KAT6A: variants seen among roughly 807,000 people sequenced by gnomAD.
The protein encoded by KAT6A is histone acetyltransferase KAT6A.
KAT6A carries 9 observed loss-of-function variants against 198.4 expected under a neutral mutation model. The ratio of observed to expected loss-of-function variants is 0.05; its 90% CI spans 0.03 to 0.08. The LOEUF is 0.08. KAT6A is among the 10% of genes least tolerant of loss of function. KAT6A has a pLI of 1.00. For missense variants in KAT6A, 2,077 were observed against 2,509.9 expected, an observed-to-expected ratio of 0.83 and a Z score of 3.69; for synonymous variants, 890 against 883.0, an observed-to-expected ratio of 1.01 and a Z score of -0.14.
chr8:41,976,019 T>C (rs1412759458), intron 7 of KAT6A, among the ~76,000 whole-genome samples: 2 of 152,190 alleles, frequency 1.3e-5, no homozygotes, highest in Non-Finnish European at 2.9e-5. Context: ...CTTGAATGCT[T>C]AAAGAGTAAT....
In KAT6A at chr8:41,946,658, A is replaced by G; in HGVS notation, c.1929T>C (p.Asn643=). The change falls in exon 12 of 17, where the codon AAT becomes AAC. Residue 643 remains asparagine (N), a synonymous_variant. Transcript: ENST00000265713. ...GAGGAAGAATCATTATACAGGAAAC[A>G]TTGTACTTCTGTTGGCAGTGCTTTT... is the stretch of plus-strand genomic sequence containing the variant. ...SKEKHCQQKY[N]VSCIMILPQY... 1 of 1,606,464 alleles carries G rather than the reference A, an allele frequency of 6.2e-7. No homozygotes were observed. The highest frequency in any genetic ancestry group is 1.1e-5 in the South Asian group (1 of 90,916).
chr8:41,950,851 C>T (rs1214623660), intron 9 of KAT6A, among the ~76,000 whole-genome samples: 1 of 151,452 alleles, frequency 6.6e-6, no homozygotes, highest in East Asian at 1.9e-4. Context: ...TCATGTTGTA[C>T]ATGATAAATA....
In KAT6A at chr8:41,941,295, T is replaced by C. The variant is rs1378871985; in HGVS notation, c.2586A>G (p.Pro862=). ...TCCTCCCCCAGCGGCCCCTCCGAGA[T>C]GGCTGGCTATTTGCAGGAAGACTAT... ...PHDSLPANSQ[P]SRRGRWGRKN... is the part of the protein sequence containing the mutation. The change falls in exon 15 of 17, where the codon CCA becomes CCG. Residue 862 remains proline, a synonymous_variant. Transcript: ENST00000265713. 1.2e-6 allele frequency: 2 copies of C among 1,613,870 alleles called. No homozygotes were observed. Among genetic ancestry groups the C allele is most frequent in the Non-Finnish European group, 8.5e-7 (1 of 1,179,970 alleles).
chr8:42,045,174 C>T (rs1230604155), intron 2 of KAT6A, among the ~76,000 whole-genome samples: 1 of 152,154 alleles, frequency 6.6e-6, no homozygotes, highest in Admixed American at 6.5e-5. Context: ...TGAATAGATA[C>T]TATCATGAAA....
At chr8:42,035,486 C>CT (rs1430578766) in intron 2 of KAT6A, among the ~76,000 whole-genome samples, 1 of 152,106 alleles carries the variant, frequency 6.6e-6, no homozygotes, top group Non-Finnish European at 1.5e-5. Context: ...AGATAACTCT[C>CT]TAGAAAACAG....
At chr8:42,017,907 T>G (rs138881873) in intron 2 of KAT6A, among the ~76,000 whole-genome samples, 1 of 152,154 alleles carries the variant, frequency 6.6e-6, no homozygotes, top group Non-Finnish European at 1.5e-5. Context: ...TCACCGCACT[T>G]AGAAGTACCT....
intron 2 of KAT6A, among the ~76,000 whole-genome samples, chr8:42,032,659 T>C (rs1343782061): frequency 6.6e-6 from 1 of 152,152 alleles, no homozygotes; most frequent in African/African-American, 2.4e-5. Context: ...AATTAATAGT[T>C]GGAGCTTACA....
intron 2 of KAT6A, among the ~76,000 whole-genome samples, chr8:41,988,467 T>C (rs1173539102): frequency 6.6e-6 from 1 of 152,230 alleles, no homozygotes; most frequent in African/African-American, 2.4e-5. Context: ...GACTTTATCC[T>C]ATAGGCAAGT....
chr8:41,934,751 T>C lies in KAT6A; in HGVS notation c.3469A>G (p.Ser1157Gly). Residue 1157 changes from serine to glycine, a missense_variant, in exon 17 of 17, where the codon AGC (serine) becomes GGC (glycine). Around this residue, in one of 13 missense-constraint regions of KAT6A, gnomAD observed 375 missense variants for 383.0 expected, o/e 0.98. Coordinates refer to ENST00000265713, the MANE Select transcript of KAT6A (RefSeq NM_006766.5). ...KKKKGWPKGK[S>G]RKPIHWKKRP... is the part of the protein sequence containing the mutation. ...TTCTTCCAGTGGATTGGTTTGCGGCTCTTGCCTTTGGGCCATCCCTTTTTC... is the reference window on the plus strand; with the variant it reads ...TTCTTCCAGTGGATTGGTTTGCGGCCCTTGCCTTTGGGCCATCCCTTTTTC... 6.2e-7 allele frequency: 1 copy of C among 1,614,232 alleles called. No individual in the cohort carries two copies. The highest frequency in any genetic ancestry group is 8.5e-7 in the Non-Finnish European group (1 of 1,180,040).
chr8:42,009,207 A>T (rs1825892978), intron 2 of KAT6A, among the ~76,000 whole-genome samples: 1 of 152,224 alleles, frequency 6.6e-6, no homozygotes, highest in Admixed American at 6.5e-5. Context: ...TCTTTCCTTG[A>T]CCATAAAATG....
intron 12 of KAT6A, 105 bp from the exon 13 acceptor site, chr8:41,944,084 A>AG (rs1822266457): frequency 1.4e-6 from 1 of 712,918 alleles, no homozygotes; most frequent in Non-Finnish European, 2.3e-6. Context: ...ATAACTCCAA[A>AG]GGTAAATTCC....
At chr8:42,032,174 T>A (rs931832206) in intron 2 of KAT6A, among the ~76,000 whole-genome samples, 2 of 152,160 alleles carry the variant, frequency 1.3e-5, no homozygotes, top group African/African-American at 4.8e-5. Flanking sequence ...GTCATTTTCA[T>A]GAACTGTAGT....
At chr8:41,942,656 C>T in intron 14 of KAT6A, 137 bp downstream of exon 14, 3 of 972,636 alleles carry the variant, frequency 3.1e-6, no homozygotes, top group Non-Finnish European at 4.5e-6. Context: ...AAATCTCTAC[C>T]ACTGAAATAA....
Position 41,931,438 on chromosome 8 carries a change from T to C in KAT6A, c.*767A>G, listed in dbSNP as rs758092848. ...AATTGAGACTTACAGTATTTTTGTG[T>C]CTCTGAGTGCTGAGTGGGAATATTT... On this transcript the variant is annotated 3_prime_UTR_variant, in exon 17 of 17. Transcript: ENST00000265713. The C allele has an allele frequency of 9.6e-6, 2 of 207,822 alleles. No homozygotes were observed. Among genetic ancestry groups the C allele is most frequent in the Admixed American group, 5.9e-5 (1 of 16,862 alleles). 12.9% of individuals were successfully genotyped at this position (207,822 alleles called of 1,614,324 possible). A position where few individuals can be genotyped will look rare whatever the true frequency, so the allele number is the denominator to read the frequency against.
In KAT6A at chr8:41,932,279, G is replaced by T. The variant is rs770257551; in HGVS notation, c.5941C>A (p.Pro1981Thr). 1 of 1,614,110 alleles carries T rather than the reference G, an allele frequency of 6.2e-7. No individual in the cohort carries two copies. Among genetic ancestry groups the T allele is most frequent in the Non-Finnish European group, 8.5e-7 (1 of 1,180,016 alleles). ...GCGTTCATGTAGCTGTGATGGGAGG[G>T]GCCTGTGTACATCATGTTCCCATGA... The part of the protein sequence containing the change: ...NPHGNMMYTG[P>T]SHHSYMNAAG... The change falls in exon 17 of 17, where the codon CCC (proline) becomes ACC (threonine). Residue 1981 changes from proline to threonine, a missense_variant. Pro to Thr is a conservative substitution (Grantham distance 38). Coordinates refer to ENST00000265713, the MANE Select transcript of KAT6A (RefSeq NM_006766.5).
chr8:41,984,451 T>A (rs1208514625), intron 3 of KAT6A, among the ~76,000 whole-genome samples: 1 of 152,144 alleles, frequency 6.6e-6, no homozygotes, highest in Non-Finnish European at 1.5e-5. Context: ...GCCAGGTAAA[T>A]GAGCCATCGT....
At chr8:41,952,375 C>T (rs772307899) in intron 9 of KAT6A, among the ~76,000 whole-genome samples, 1 of 152,126 alleles carries the variant, frequency 6.6e-6, no homozygotes, top group South Asian at 2.1e-4. Context: ...GAGCAGAGGG[C>T]ATCCAATGAT....
chr8:41,979,585 A>G (rs1824245081), intron 5 of KAT6A, among the ~76,000 whole-genome samples: 1 of 151,600 alleles, frequency 6.6e-6, no homozygotes, highest in Non-Finnish European at 1.5e-5. Context: ...TCCAACTCCA[A>G]AAAAAAAACC....
intron 3 of KAT6A, among the ~76,000 whole-genome samples, chr8:41,984,940 G>A (rs951945948): frequency 1.4e-5 from 2 of 147,814 alleles, no homozygotes; most frequent in South Asian, 2.1e-4. Context: ...CCGAGATCAC[G>A]CCACTGCACT....
Sources: gnomAD v4.1 joint callset for allele counts (sites outside exome capture counted in the v4.1 genomes callset) on GRCh38, gnomAD v4.1.1 for gene constraint, gnomAD v4.1.1 regional missense constraint, MANE v1.5 for transcripts, NCBI Gene and HGNC (gene_info 2026-07-23, HGNC 2026-07-21) for gene names.